EXOC6B: variants seen among roughly 807,000 people sequenced by gnomAD.
EXOC6B encodes the protein SEC15 homolog B.
A neutral mutation model predicts 113.5 loss-of-function variants in EXOC6B; 54 were observed. The ratio of observed to expected loss-of-function variants is 0.48; its 90% CI spans 0.38 to 0.60. The LOEUF is 0.60. Ranked by LOEUF, EXOC6B falls within the 20% of genes least tolerant of loss-of-function variation. The pLI is 0.00. For missense variants in EXOC6B, 797 were observed against 977.5 expected (o/e 0.82, Z 2.46); for synonymous variants, 357 against 339.0 (o/e 1.05, Z -0.58).
At chr2:72,782,146 A>G (rs893540841) in intron 1 of EXOC6B, among the ~76,000 whole-genome samples, 1 of 151,642 alleles carries the variant, frequency 6.6e-6, no homozygotes, top group Non-Finnish European at 1.5e-5. Flanking sequence ...TCTCAAAAAA[A>G]AAAAAAAAAG....
intron 6 of EXOC6B, among the ~76,000 whole-genome samples, chr2:72,704,227 A>C (rs1678664298): frequency 6.6e-6 from 1 of 150,466 alleles, no homozygotes; most frequent in South Asian, 2.2e-4. Flanking sequence ...CTGAATGACT[A>C]CTGGGTACAT....
At position 72,787,118 on chromosome 2, in the gene EXOC6B, T is replaced by A. The variant is rs540242893; in HGVS notation, c.113+38680A>T. ...ATATTATATATTGTTGGAAAGTGAT[T>A]CCATCAACTGGTACCAAGTATGAAT... On this transcript the variant is annotated intron_variant, in intron 1 of 21. Coordinates refer to ENST00000272427, the MANE Select transcript of EXOC6B (RefSeq NM_015189.3). Among the ~76,000 whole-genome samples, 94 of 152,340 alleles carry A rather than the reference T, an allele frequency of 6.2e-4. No homozygotes were observed. The South Asian group carries it at 0.019, about 31-fold the overall frequency.
intron 6 of EXOC6B, among the ~76,000 whole-genome samples, chr2:72,643,094 A>G (rs1673389967): frequency 6.6e-6 from 1 of 152,098 alleles, no homozygotes; most frequent in Admixed American, 6.6e-5. Flanking sequence ...AATGGCAATC[A>G]TTAAAAAATC....
At chr2:72,548,907 C>T (rs1374702630) in intron 8 of EXOC6B, among the ~76,000 whole-genome samples, 1 of 151,904 alleles carries the variant, frequency 6.6e-6, no homozygotes, top group Non-Finnish European at 1.5e-5. Flanking sequence ...CTGGATGACA[C>T]AAGTAAAAAA....
At chr2:72,392,273 A>G (rs1001499801) in intron 18 of EXOC6B, among the ~76,000 whole-genome samples, 4 of 152,148 alleles carry the variant, frequency 2.6e-5, no homozygotes, top group Non-Finnish European at 4.4e-5. Flanking sequence ...AAGAAGCTGG[A>G]TGTGCAACAG....
At chr2:72,504,430 T>C (rs1448887902) in intron 11 of EXOC6B, among the ~76,000 whole-genome samples, 2 of 152,334 alleles carry the variant, frequency 1.3e-5, no homozygotes, top group African/African-American at 4.8e-5. Flanking sequence ...TTCTCGCTTC[T>C]TTCATTTAAC....
chr2:72,620,295 G>T (rs1472798579), intron 6 of EXOC6B, among the ~76,000 whole-genome samples: 1 of 152,202 alleles, frequency 6.6e-6, no homozygotes, highest in Non-Finnish European at 1.5e-5. Context: ...GTTGTGGGTG[G>T]TGGGGGGCAG....
chr2:72,730,887 A>C (rs1680596269), intron 5 of EXOC6B, 120 bp downstream of exon 5: 1 of 409,718 alleles, frequency 2.4e-6, no homozygotes, highest in East Asian at 3.8e-5. Flanking sequence ...TAAATATACA[A>C]AAGGTTAAGA....
At chr2:72,762,639 T>C (rs1399904602) in intron 1 of EXOC6B, among the ~76,000 whole-genome samples, 2 of 152,022 alleles carry the variant, frequency 1.3e-5, no homozygotes, top group Non-Finnish European at 2.9e-5. Flanking sequence ...AGACCCGCAC[T>C]ATAAAAACTG....
chr2:72,231,339 T>C (rs774899307), intron 20 of EXOC6B, among the ~76,000 whole-genome samples: 18 of 152,152 alleles, frequency 1.2e-4, no homozygotes, highest in South Asian at 2.1e-4. Context: ...AAATAAATTA[T>C]AGATGCATTT....
chr2:72,687,482 T>C (rs1677172625), intron 6 of EXOC6B, among the ~76,000 whole-genome samples: 1 of 152,150 alleles, frequency 6.6e-6, no homozygotes, highest in Non-Finnish European at 1.5e-5. Context: ...CTTTTTTTTT[T>C]CAGGCAAAAC....
chr2:72,747,918 T>TC (rs1681805510), intron 1 of EXOC6B, among the ~76,000 whole-genome samples: 1 of 152,034 alleles, frequency 6.6e-6, no homozygotes, highest in Non-Finnish European at 1.5e-5. Context: ...CTTGCCAATC[T>TC]CCCCATACTA....
At chr2:72,227,000 T>C (rs1023183437) in intron 20 of EXOC6B, among the ~76,000 whole-genome samples, 1 of 152,188 alleles carries the variant, frequency 6.6e-6, no homozygotes, top group African/African-American at 2.4e-5. Context: ...CCAAAAGAAT[T>C]ATATCTGCAT....
intron 6 of EXOC6B, among the ~76,000 whole-genome samples, chr2:72,692,518 AT>A (rs1314330330): frequency 6.6e-6 from 1 of 151,640 alleles, no homozygotes; most frequent in African/African-American, 2.4e-5. Flanking sequence ...TGCCCGGCTA[AT>A]TTTTTGTATT....
intron 1 of EXOC6B, among the ~76,000 whole-genome samples, chr2:72,775,104 C>CA (rs2104963403): frequency 6.6e-6 from 1 of 152,258 alleles, no homozygotes; most frequent in Admixed American, 6.5e-5. Flanking sequence ...CCCAGCAACT[C>CA]AATGTGTTCA....
chr2:72,786,308 T>C (rs182985093), intron 1 of EXOC6B, among the ~76,000 whole-genome samples: 6 of 152,330 alleles, frequency 3.9e-5, no homozygotes, highest in South Asian at 4.1e-4. Flanking sequence ...CATGAAATGA[T>C]AGCAAGTACA....
At chr2:72,264,755 T>A (rs1461203085) in intron 20 of EXOC6B, among the ~76,000 whole-genome samples, 1 of 151,970 alleles carries the variant, frequency 6.6e-6, no homozygotes, top group Non-Finnish European at 1.5e-5. Context: ...TCACGAGATC[T>A]GATGGTTTTA....
chr2:72,423,862 A>T (rs2105272819), intron 18 of EXOC6B, among the ~76,000 whole-genome samples: 1 of 152,302 alleles, frequency 6.6e-6, no homozygotes, highest in East Asian at 1.9e-4. Flanking sequence ...TTTTTTAGGT[A>T]TTCAAAATGT....
chr2:72,439,241 C>G (rs1696054463), intron 18 of EXOC6B, among the ~76,000 whole-genome samples: 1 of 152,092 alleles, frequency 6.6e-6, no homozygotes, highest in South Asian at 2.1e-4. Flanking sequence ...GGATATTTAA[C>G]TAGGGTTCTC....
Sources: gnomAD v4.1 joint callset for allele counts (sites outside exome capture counted in the v4.1 genomes callset) on GRCh38, gnomAD v4.1.1 for gene constraint, MANE v1.5 for transcripts, NCBI Gene and HGNC (gene_info 2026-07-23, HGNC 2026-07-21) for gene names.